Variants in PREX2 observed in about 807,000 individuals in gnomAD.
PREX2 encodes phosphatidylinositol 3,4,5-trisphosphate-dependent Rac exchanger 2 protein.
PREX2 carries 107 observed loss-of-function variants against 203.2 expected under a neutral mutation model. The ratio of observed to expected loss-of-function variants is 0.53; its 90% CI spans 0.45 to 0.62. PREX2 has a LOEUF of 0.62. Ranked by LOEUF, PREX2 falls within the 20% of genes least tolerant of loss-of-function variation. PREX2 has a pLI of 0.00. For missense variants in PREX2, 1,777 were observed against 1,955.9 expected (o/e 0.91, Z 1.72); for synonymous variants, 672 against 663.6 (o/e 1.01, Z -0.19).
intron 30 of PREX2, among the ~76,000 whole-genome samples, chr8:68,126,773 G>A (rs1013250633): frequency 6.6e-5 from 10 of 151,870 alleles, no homozygotes; most frequent in African/African-American, 2.4e-4. Flanking sequence ...CTAGCAATTC[G>A]TATGAAATTC....
chr8:67,954,959 A>G (rs1563468266), intron 1 of PREX2, among the ~76,000 whole-genome samples: 1 of 151,974 alleles, frequency 6.6e-6, no homozygotes, highest in Non-Finnish European at 1.5e-5. Flanking sequence ...CCTGGCCAAC[A>G]TGGTGAAACC....
intron 20 of PREX2, 99 bp from the exon 21 acceptor site, chr8:68,093,506 T>A: frequency 1.9e-6 from 1 of 521,292 alleles, no homozygotes; most frequent in Non-Finnish European, 3.5e-6. Context: ...TTACTAATTT[T>A]AAAGAATCTA....
intron 23 of PREX2, 122 bp from the exon 24 acceptor site, chr8:68,107,987 C>G: frequency 3.2e-6 from 2 of 625,412 alleles, no homozygotes; most frequent in Non-Finnish European, 5.6e-6. Context: ...ATTTATTTCA[C>G]TCATTCCAGT....
chr8:68,132,000 T>C (rs958768965), intron 31 of PREX2, among the ~76,000 whole-genome samples: 1 of 152,168 alleles, frequency 6.6e-6, no homozygotes, highest in African/African-American at 2.4e-5. Flanking sequence ...AACAAAGATG[T>C]AGGGCAATTT....
intron 14 of PREX2, among the ~76,000 whole-genome samples, chr8:68,075,035 T>C (rs1415165737): frequency 1.3e-5 from 2 of 152,192 alleles, no homozygotes; most frequent in African/African-American, 4.8e-5. Context: ...TAATATACCT[T>C]TAAAACATCA....
At chr8:67,984,387 G>C (rs1806355512) in intron 1 of PREX2, among the ~76,000 whole-genome samples, 1 of 152,254 alleles carries the variant, frequency 6.6e-6, no homozygotes, top group South Asian at 2.1e-4. Context: ...TTTTTGAATT[G>C]AACAGGAAAG....
chr8:67,998,806 C>T (rs6472370), intron 1 of PREX2, among the ~76,000 whole-genome samples: 151,924 of 152,322 alleles, frequency 1, 75,779 homozygotes, highest in Middle Eastern at 1. Context: ...TTAAAATTCC[C>T]GAAAACTTTA....
chr8:67,985,701 G>C (rs1806397346), intron 1 of PREX2, among the ~76,000 whole-genome samples: 1 of 152,196 alleles, frequency 6.6e-6, no homozygotes, highest in Non-Finnish European at 1.5e-5. Flanking sequence ...ACAGTAGGCT[G>C]TAAGGGAACT....
At chr8:68,185,693 C>T (rs1812175582) in intron 35 of PREX2, among the ~76,000 whole-genome samples, 1 of 122,778 alleles carries the variant, frequency 8.1e-6, no homozygotes, top group East Asian at 1.9e-4. Flanking sequence ...TTTACCACCT[C>T]TCTCATTGGT....
At chr8:68,227,333 C>T (rs1327304861) in intron 39 of PREX2, among the ~76,000 whole-genome samples, 1 of 152,072 alleles carries the variant, frequency 6.6e-6, no homozygotes, top group Non-Finnish European at 1.5e-5. Context: ...CTAGGATGAC[C>T]ACCAAATCTT....
At chr8:68,099,602 T>G in intron 22 of PREX2, 80 bp from the exon 23 acceptor site, 1 of 1,371,426 alleles carries the variant, frequency 7.3e-7, no homozygotes, top group Non-Finnish European at 1.0e-6. Context: ...GTTTTTCTTC[T>G]TGTTTCGTTT....
intron 1 of PREX2, among the ~76,000 whole-genome samples, chr8:68,015,428 C>T (rs368536846): frequency 7.2e-5 from 11 of 152,236 alleles, no homozygotes; most frequent in African/African-American, 2.6e-4. Flanking sequence ...CATATTGTCA[C>T]GGAGGATAAG....
intron 37 of PREX2, among the ~76,000 whole-genome samples, chr8:68,198,969 A>T (rs2129614846): frequency 6.6e-6 from 1 of 152,312 alleles, no homozygotes; most frequent in East Asian, 1.9e-4. Context: ...TTCAAATCAA[A>T]ACACTGGAGA....
intron 39 of PREX2, among the ~76,000 whole-genome samples, chr8:68,230,320 G>A (rs770089633): frequency 1.3e-4 from 20 of 152,136 alleles, no homozygotes; most frequent in Non-Finnish European, 2.5e-4. Context: ...AGCTAGTCCT[G>A]GGTTGTAGTG....
chr8:68,071,115 G>A (rs1426664122), intron 13 of PREX2, among the ~76,000 whole-genome samples: 1 of 151,990 alleles, frequency 6.6e-6, no homozygotes, highest in Non-Finnish European at 1.5e-5. Context: ...GTTTTATATG[G>A]GCAAAAATGT....
chr8:67,964,316 C>A (rs1805711960), intron 1 of PREX2, among the ~76,000 whole-genome samples: 1 of 152,160 alleles, frequency 6.6e-6, no homozygotes. Flanking sequence ...CGCTGACTGG[C>A]TGGACAGCCA....
intron 33 of PREX2, among the ~76,000 whole-genome samples, chr8:68,140,768 A>T (rs879864628): frequency 6.6e-6 from 1 of 152,196 alleles, no homozygotes; most frequent in Non-Finnish European, 1.5e-5. Context: ...AGACTCTAGC[A>T]TTACATATGG....
Position 68,134,143 on chromosome 8 carries a change from C to T in PREX2, c.3851C>T (p.Ala1284Val), listed in dbSNP as rs375506738. 40 of 1,613,936 alleles carry T rather than the reference C, an allele frequency of 2.5e-5. No homozygotes were observed. The highest frequency in any genetic ancestry group is 6.7e-5 in the African/African-American group (5 of 74,894). ...TGTGCCTTCTCTGAGCAGCTCATGGCGGCCTTGAACCAGATGTTTGACAAC... is the reference window on the plus strand; with the variant it reads ...TGTGCCTTCTCTGAGCAGCTCATGGTGGCCTTGAACCAGATGTTTGACAAC... ...TVCAFSEQLM[A>V]ALNQMFDNSK... The change falls in exon 32 of 40, where the codon GCG becomes GTG. Residue 1284 changes from alanine to valine, a missense_variant. Ala to Val is a moderately conservative substitution (Grantham distance 64). Transcript: ENST00000288368.
intron 37 of PREX2, among the ~76,000 whole-genome samples, chr8:68,212,923 G>T (rs1488306211): frequency 6.6e-6 from 1 of 152,188 alleles, no homozygotes; most frequent in African/African-American, 2.4e-5. Flanking sequence ...CCACAGAGTA[G>T]TTTCTGGCTG....
Sources: allele counts gnomAD v4.1 joint callset (sites outside exome capture counted in the v4.1 genomes callset), GRCh38; gene constraint gnomAD v4.1.1; transcripts MANE v1.5; gene names NCBI Gene and HGNC (gene_info 2026-07-23, HGNC 2026-07-21).